CNTN3: variants seen among roughly 807,000 people sequenced by gnomAD.
CNTN3 encodes the protein contactin 3.
Under a neutral mutation model 119.1 loss-of-function variants are expected in CNTN3, and 60 were observed. The observed-to-expected ratio is 0.50, with a 90% CI of 0.41 to 0.62. CNTN3 has a LOEUF of 0.62. CNTN3 is among the 20% of genes least tolerant of loss of function. The pLI, the probability that CNTN3 is intolerant of heterozygous loss-of-function variation, is 0.00. For missense variants in CNTN3, 1,101 were observed against 1,242.4 expected, an observed-to-expected ratio of 0.89 and a Z score of 1.71; for synonymous variants, 450 against 438.7, an observed-to-expected ratio of 1.03 and a Z score of -0.32.
chr3:74,393,850 A>C (rs1704978255), intron 5 of CNTN3, among the ~76,000 whole-genome samples: 1 of 152,216 alleles, frequency 6.6e-6, no homozygotes, highest in African/African-American at 2.4e-5. Flanking sequence ...ACAGAATGAC[A>C]AGCACAATTG....
intron 19 of CNTN3, among the ~76,000 whole-genome samples, chr3:74,289,537 C>T (rs1036807613): frequency 3.3e-5 from 5 of 152,184 alleles, no homozygotes; most frequent in African/African-American, 1.2e-4. Context: ...CTATATATTA[C>T]TTCACTGGTT....
At chr3:74,301,592 T>C in intron 15 of CNTN3, 45 bp from the exon 16 acceptor site, 3 of 1,612,272 alleles carry the variant, frequency 1.9e-6, no homozygotes, top group African/African-American at 1.3e-5. Context: ...TGCTTTAGCA[T>C]TGACTTGAAA....
chr3:74,293,703 G>A (rs1254084634), intron 19 of CNTN3, among the ~76,000 whole-genome samples: 1 of 152,144 alleles, frequency 6.6e-6, no homozygotes, highest in Non-Finnish European at 1.5e-5. Flanking sequence ...GTGAAATCCT[G>A]GGCTCAAGCA....
intron 21 of CNTN3, among the ~76,000 whole-genome samples, chr3:74,266,893 G>A (rs183096483): frequency 3.7e-4 from 57 of 152,230 alleles, no homozygotes; most frequent in African/African-American, 8.7e-4. Context: ...GCTGGGCTGC[G>A]TATTTATGAG....
intron 1 of CNTN3, among the ~76,000 whole-genome samples, chr3:74,584,401 A>G (rs1030574815): frequency 2.6e-5 from 4 of 151,992 alleles, no homozygotes; most frequent in African/African-American, 9.7e-5. Context: ...CCTAGTGTGG[A>G]GTGTTTAGAT....
At chr3:74,539,928 C>G (rs1004717372) in intron 1 of CNTN3, among the ~76,000 whole-genome samples, 1 of 152,128 alleles carries the variant, frequency 6.6e-6, no homozygotes, top group African/African-American at 2.4e-5. Flanking sequence ...AAGGACCCAG[C>G]AGAGAGCCTT....
intron 11 of CNTN3, among the ~76,000 whole-genome samples, chr3:74,361,581 T>C (rs1704073590): frequency 6.6e-6 from 1 of 152,206 alleles, no homozygotes; most frequent in Non-Finnish European, 1.5e-5. Context: ...GGGATGTGGA[T>C]CTGCTTCTGG....
chr3:74,592,942 T>C (rs541315686), intron 1 of CNTN3, among the ~76,000 whole-genome samples: 1 of 152,094 alleles, frequency 6.6e-6, no homozygotes, highest in South Asian at 2.1e-4. Context: ...CTACCAGTTA[T>C]TCAGTACCTA....
chr3:74,371,095 G>T, intron 6 of CNTN3, 101 bp downstream of exon 6: 1 of 792,506 alleles, frequency 1.3e-6, no homozygotes, highest in Non-Finnish European at 2.1e-6. Flanking sequence ...AACATGAAGT[G>T]ACAATTCTTC....
intron 19 of CNTN3, among the ~76,000 whole-genome samples, chr3:74,293,147 A>G (rs1702268279): frequency 6.6e-6 from 1 of 152,212 alleles, no homozygotes; most frequent in Non-Finnish European, 1.5e-5. Context: ...ATATACACTA[A>G]CAAGACCTAG....
At chr3:74,563,246 T>C (rs1234782280) in intron 1 of CNTN3, among the ~76,000 whole-genome samples, 2 of 152,104 alleles carry the variant, frequency 1.3e-5, no homozygotes, top group African/African-American at 4.8e-5. Context: ...AATACCTTTT[T>C]CACTTGAAAC....
chr3:74,531,346 C>T (rs766725883), intron 1 of CNTN3, among the ~76,000 whole-genome samples: 3 of 151,872 alleles, frequency 2.0e-5, no homozygotes, highest in Non-Finnish European at 2.9e-5. Context: ...GCAGGAAAGA[C>T]TAGAAAGCTG....
chr3:74,381,158 C>A (rs1370336941), intron 5 of CNTN3, among the ~76,000 whole-genome samples: 1 of 149,604 alleles, frequency 6.7e-6, no homozygotes, highest in Non-Finnish European at 1.5e-5. Flanking sequence ...GCACATCAAA[C>A]TATTCATCAG....
Position 74,365,687 on chromosome 3 carries a change from A to AAGC in CNTN3, c.961_962insGCT (p.Val321delinsGlyPhe), listed in dbSNP as rs1704171079. The AAGC allele has an allele frequency of 1.2e-6, 2 of 1,612,744 alleles. No individual in the cohort carries two copies. The highest frequency in any genetic ancestry group is 2.7e-5 in the African/African-American group (2 of 74,834). ...TATTTCCACATCCTTTATGAGTTGA[A>AAGC]CCCAATGGGGCTTTGCTTCAATGAA... On this transcript the variant is annotated protein_altering_variant, in exon 9 of 23. Transcript: ENST00000263665.
intron 1 of CNTN3, among the ~76,000 whole-genome samples, chr3:74,608,256 G>C (rs999417961): frequency 6.6e-6 from 1 of 152,134 alleles, no homozygotes; most frequent in African/African-American, 2.4e-5. Context: ...AAGTGAAATA[G>C]ACTATTCTCG....
chr3:74,418,657 C>G (rs2106884947), intron 5 of CNTN3, among the ~76,000 whole-genome samples: 1 of 151,446 alleles, frequency 6.6e-6, no homozygotes, highest in South Asian at 2.1e-4. Context: ...CATATTCTTT[C>G]TTCCCAAATA....
intron 4 of CNTN3, among the ~76,000 whole-genome samples, chr3:74,457,940 C>T (rs1337409504): frequency 6.6e-6 from 1 of 152,048 alleles, no homozygotes; most frequent in Non-Finnish European, 1.5e-5. Flanking sequence ...AAGGCATCTT[C>T]TGTAGTCTCT....
chr3:74,483,193 C>T (rs1242527889), intron 4 of CNTN3, among the ~76,000 whole-genome samples: 3 of 151,974 alleles, frequency 2.0e-5, no homozygotes, highest in African/African-American at 4.8e-5. Flanking sequence ...ATAAATAAAA[C>T]TTGTAAAGCA....
intron 2 of CNTN3, among the ~76,000 whole-genome samples, chr3:74,502,393 T>C (rs960992258): frequency 3.3e-5 from 5 of 152,158 alleles, no homozygotes; most frequent in African/African-American, 7.2e-5. Flanking sequence ...CGATGCTACA[T>C]GGCTTCTCCA....
Sources: allele counts gnomAD v4.1 joint callset (sites outside exome capture counted in the v4.1 genomes callset), GRCh38; gene constraint gnomAD v4.1.1; transcripts MANE v1.5; gene names NCBI Gene and HGNC (gene_info 2026-07-23, HGNC 2026-07-21).